BANK1: variants seen among roughly 807,000 people sequenced by gnomAD.
The protein encoded by BANK1 is B-cell scaffold protein with ankyrin repeats.
A neutral mutation model predicts 94.5 loss-of-function variants in BANK1; 95 were observed. The ratio of observed to expected loss-of-function variants is 1.00; its 90% CI spans 0.85 to 1.19. The LOEUF is 1.19. Among genes scored for constraint, BANK1 ranks in the 50% most tolerant of loss-of-function variants. The pLI is 0.00. For synonymous variants in BANK1, 334 were observed against 308.4 expected (o/e 1.08, Z -0.87); for missense variants, 987 against 932.2 (o/e 1.06, Z -0.77).
In BANK1 at chr4:101,852,173, C is replaced by G. The variant is rs1389023894; in HGVS notation, c.470-2862C>G. Among the ~76,000 whole-genome samples the G allele has an allele frequency of 1.3e-5, 2 of 151,730 alleles. 1 individual carries two copies. Among genetic ancestry groups the G allele is most frequent in the Middle Eastern group, 6.4e-3 (2 of 314 alleles). Reference sequence around the variant, plus strand: ...TTGCACCATTTATCAATTTCTAGTGCTTTAATACATTCATTATCTTAAAAG... The same window carrying G: ...TTGCACCATTTATCAATTTCTAGTGGTTTAATACATTCATTATCTTAAAAG... On this transcript the variant is annotated intron_variant, in intron 2 of 16. Coordinates refer to ENST00000322953, the MANE Select transcript of BANK1 (RefSeq NM_017935.5).
chr4:102,015,120 A>G (rs893728472), intron 7 of BANK1, among the ~76,000 whole-genome samples: 1 of 151,864 alleles, frequency 6.6e-6, no homozygotes, highest in Non-Finnish European at 1.5e-5. Flanking sequence ...ATTTTAGTGT[A>G]TTGTTTAGGA....
chr4:101,807,978 G>A (rs752830002), intron 1 of BANK1, among the ~76,000 whole-genome samples: 6 of 151,628 alleles, frequency 4.0e-5, no homozygotes, highest in Non-Finnish European at 8.8e-5. Flanking sequence ...CCAGCTACTC[G>A]GGAGAGTGAG....
chr4:101,823,970 A>G (rs1726269612), intron 1 of BANK1, among the ~76,000 whole-genome samples: 1 of 152,232 alleles, frequency 6.6e-6, no homozygotes, highest in Admixed American at 6.5e-5. Flanking sequence ...ATGAAGCTCT[A>G]GTGAGGAAAT....
rs1343197093 is a variant in BANK1, at chr4:101,986,899, G to GTGTATATATATATA, written c.1207-34614_1207-34613insGTATATATATATAT. ...TGTGTGTGTGTGTGTGTGTGTGTGT[G>GTGTATATATATATA]TATATATATATATATATATATATAT... is the stretch of plus-strand genomic sequence containing the variant. On this transcript the variant is annotated intron_variant, in intron 7 of 16. Transcript: ENST00000322953. Among the ~76,000 whole-genome samples, 13 of 82,654 alleles carry GTGTATATATATATA rather than the reference G, an allele frequency of 1.6e-4. 1 individual carries two copies. The highest frequency in any genetic ancestry group is 6.4e-4 in the African/African-American group (10 of 15,544). The allele number at this position is 82,654 out of a possible 152,430, so 54.2% of individuals were successfully genotyped here.
intron 6 of BANK1, among the ~76,000 whole-genome samples, chr4:101,904,337 A>G (rs1722375795): frequency 6.6e-6 from 1 of 152,226 alleles, no homozygotes; most frequent in African/African-American, 2.4e-5. Flanking sequence ...CTTAATTACA[A>G]GAACTGGAGA....
chr4:102,048,873 C>T (rs1359517319), intron 11 of BANK1, among the ~76,000 whole-genome samples: 1 of 152,180 alleles, frequency 6.6e-6, no homozygotes, highest in Non-Finnish European at 1.5e-5. Context: ...TCAACAGATT[C>T]TTCAACTCAG....
In BANK1 at chr4:101,895,390, A is replaced by C. The variant is rs1487740314; in HGVS notation, c.989A>C (p.Glu330Ala). The C allele has an allele frequency of 6.3e-7, 1 of 1,585,390 alleles. No individual in the cohort carries two copies. Among genetic ancestry groups the C allele is most frequent in the Non-Finnish European group, 8.6e-7 (1 of 1,161,028 alleles). The change falls in exon 6 of 17, where the codon GAA becomes GCA. Residue 330 changes from glutamate to alanine, a missense_variant. Physicochemically the swap from Glu to Ala is moderately radical, Grantham distance 107 (BLOSUM62 -1). Transcript: ENST00000322953. ...PYYEFQSLQT[E>A]ICSQNKYTHF... ...TATGAGTTCCAGTCTCTTCAAACTG[A>C]AATTTGTTCTCAAAACAAATGTGAG...
At chr4:101,969,634 A>G (rs893988969) in intron 7 of BANK1, among the ~76,000 whole-genome samples, 1 of 152,122 alleles carries the variant, frequency 6.6e-6, no homozygotes, top group Non-Finnish European at 1.5e-5. Context: ...TGAATAAAAA[A>G]TGACCCTCTC....
rs374698119 is a variant in BANK1, at chr4:101,928,250, G to A, written c.1206+10061G>A. Among the ~76,000 whole-genome samples, 15 of 151,560 alleles carry A rather than the reference G, an allele frequency of 9.9e-5. 1 individual carries two copies. Among genetic ancestry groups the A allele is most frequent in the Admixed American group, 6.6e-4 (10 of 15,182 alleles). Reference sequence around the variant, plus strand: ...CTCTAATTTAGTTTGTCCCAAATACGTCTTATTAGCTGTTTGTGGAAACAA... The same window carrying A: ...CTCTAATTTAGTTTGTCCCAAATACATCTTATTAGCTGTTTGTGGAAACAA... On this transcript the variant is annotated intron_variant, in intron 7 of 16. Transcript: ENST00000322953.
chr4:101,922,009 C>T (rs947869240), intron 7 of BANK1, among the ~76,000 whole-genome samples: 147 of 129,448 alleles, frequency 1.1e-3, no homozygotes, highest in Middle Eastern at 7.6e-3. Flanking sequence ...ACACTGGGCC[C>T]GTGTGTGTGT....
chr4:101,890,719 A>ATT (rs139113467), intron 5 of BANK1, among the ~76,000 whole-genome samples: 1 of 140,182 alleles, frequency 7.1e-6, no homozygotes, highest in Non-Finnish European at 1.6e-5. Context: ...TTCATTTGTT[A>ATT]TTTTTTTTTT....
chr4:101,890,620 TAAA>T (rs1239565389), intron 5 of BANK1, among the ~76,000 whole-genome samples: 1 of 148,798 alleles, frequency 6.7e-6, no homozygotes, highest in African/African-American at 2.4e-5. Flanking sequence ...AAAAAATAAA[TAAA>T]TTTTATAATT....
At chr4:101,806,865 A>G (rs371395198) in intron 1 of BANK1, among the ~76,000 whole-genome samples, 19 of 152,114 alleles carry the variant, frequency 1.2e-4, no homozygotes, top group East Asian at 1.2e-3. Flanking sequence ...AAAGGTGGCT[A>G]CTCCCATCAG....
chr4:101,824,517 T>C (rs1448487622), intron 1 of BANK1, among the ~76,000 whole-genome samples: 2 of 152,238 alleles, frequency 1.3e-5, no homozygotes, highest in Non-Finnish European at 2.9e-5. Context: ...TTTGTTCTCA[T>C]GTTGTACTAG....
chr4:101,791,950 T>C (rs1397839729), intron 1 of BANK1, among the ~76,000 whole-genome samples: 1 of 152,224 alleles, frequency 6.6e-6, no homozygotes, highest in Non-Finnish European at 1.5e-5. Flanking sequence ...TTGACATTCT[T>C]GAAAACTGTG....
chr4:101,901,051 G>C (rs1722266434), intron 6 of BANK1, among the ~76,000 whole-genome samples: 1 of 152,108 alleles, frequency 6.6e-6, no homozygotes, highest in Admixed American at 6.5e-5. Context: ...TCCTACTCCA[G>C]AGAGAAGTGA....
chr4:101,828,383 T>TTATTTATATA (rs1360582658), intron 1 of BANK1, among the ~76,000 whole-genome samples: 1 of 142,124 alleles, frequency 7.0e-6, no homozygotes, highest in African/African-American at 2.6e-5. Flanking sequence ...ATGAGTGAAT[T>TTATTTATATA]TATATATATA....
chr4:101,845,558 C>T (rs1233500419), intron 2 of BANK1, among the ~76,000 whole-genome samples: 1 of 152,086 alleles, frequency 6.6e-6, no homozygotes, highest in Non-Finnish European at 1.5e-5. Context: ...TCATTATTAC[C>T]TATTGGTAAG....
chr4:102,006,901 G>T (rs1726278620), intron 7 of BANK1, among the ~76,000 whole-genome samples: 1 of 150,198 alleles, frequency 6.7e-6, no homozygotes, highest in Admixed American at 6.7e-5. Context: ...CTACAGTGTG[G>T]ATGGCAATGA....
Sources: allele counts gnomAD v4.1 joint callset (sites outside exome capture counted in the v4.1 genomes callset), GRCh38; gene constraint gnomAD v4.1.1; transcripts MANE v1.5; gene names NCBI Gene and HGNC (gene_info 2026-07-23, HGNC 2026-07-21).